The following ZFP28 variants were observed in gnomAD, a reference collection of about 807,000 sequenced individuals.
ZFP28 encodes the protein ZFP28 zinc finger protein.
Under a neutral mutation model 39.5 loss-of-function variants are expected in ZFP28, and 31 were observed. The observed-to-expected ratio is 0.79, with a 90% confidence interval of 0.59 to 1.06. The LOEUF is 1.06. Among genes scored for constraint, ZFP28 ranks in the 50% least tolerant of loss-of-function variants. ZFP28 has a pLI of 0.00. For synonymous variants in ZFP28, 400 were observed against 378.6 expected (o/e 1.06, Z -0.66); for missense variants, 925 against 1,048.4 (o/e 0.88, Z 1.63).
intron 5 of ZFP28, 82 bp from the exon 6 acceptor site, chr19:56,549,985 G>C: frequency 2.6e-6 from 3 of 1,137,390 alleles, no homozygotes; most frequent in East Asian, 2.6e-5. Flanking sequence ...CTTTTTTGCA[G>C]TGTGGACACA....
intron 2 of ZFP28, among the ~76,000 whole-genome samples, chr19:56,542,570 C>T (rs1347734113): frequency 2.6e-5 from 4 of 152,192 alleles, no homozygotes; most frequent in Non-Finnish European, 5.9e-5. Context: ...ATCTCAGTTT[C>T]TCTTGTCTCA....
At chr19:56,552,030 G>C (rs1245272353) in intron 7 of ZFP28, 1 of 942,624 alleles carries the variant, frequency 1.1e-6, no homozygotes, top group Non-Finnish European at 1.3e-6. Context: ...TCTCCTATTT[G>C]TGTGGCTAAC....
intron 4 of ZFP28, 111 bp from the exon 5 acceptor site, chr19:56,548,847 A>G (rs1260612623): frequency 3.5e-6 from 4 of 1,140,142 alleles, no homozygotes; most frequent in African/African-American, 1.6e-5. Context: ...TTCCATAAAA[A>G]TAAATGACTA....
intron 7 of ZFP28, chr19:56,552,620 A>T (rs2044314276): frequency 6.6e-6 from 1 of 152,104 alleles, no homozygotes; most frequent in African/African-American, 2.4e-5. Context: ...TGTGGTCTAG[A>T]AGTTTGCATA....
At chr19:56,550,775 G>A (rs1210416676) in intron 7 of ZFP28, 170 bp downstream of exon 7, 30 of 1,531,168 alleles carry the variant, frequency 2.0e-5, no homozygotes, top group Non-Finnish European at 2.6e-5. Flanking sequence ...CTCCTCCTTT[G>A]CCCCCTTCTC....
rs781778886 is a variant in ZFP28 at position 56,547,231 on chromosome 19, C to T, written c.301-277C>T. ...CGGCCGTCTTCTCTCTGTGTCCTCA[C>T]GTGGTCTTTTCCCTGTGCCTGCACA... is the stretch of plus-strand genomic sequence containing the variant. On this transcript the variant is annotated intron_variant, in intron 2 of 7. Coordinates refer to ENST00000301318, the MANE Select transcript of ZFP28 (RefSeq NM_020828.2). This position sits in a 1 kb window ranked among gnomAD's most constrained non-coding sequence, Gnocchi z 4.6. 1.8e-5 allele frequency: 7 copies of T among 386,776 alleles called. No homozygotes were observed. Among genetic ancestry groups the T allele is most frequent in the East Asian group, 5.0e-5 (1 of 20,048 alleles). 24.0% of individuals were successfully genotyped at this position (386,776 alleles called of 1,614,324 possible). A position where few individuals can be genotyped will look rare whatever the true frequency, so the allele number is the denominator to read the frequency against.
At chr19:56,542,392 AAC>A (rs1224912153) in intron 2 of ZFP28, among the ~76,000 whole-genome samples, 1 of 152,210 alleles carries the variant, frequency 6.6e-6, no homozygotes, top group Non-Finnish European at 1.5e-5. Context: ...GGCCTCAGGC[AAC>A]CGCCCGCCTT....
chr19:56,544,854 G>A (rs911092349), intron 2 of ZFP28: 4 of 152,144 alleles, frequency 2.6e-5, no homozygotes, highest in Non-Finnish European at 5.9e-5. Context: ...AGAGCTGTCC[G>A]AATAAACAGA....
rs780647719 is a variant in ZFP28 at position 56,554,278 on chromosome 19, A to G, written c.1493A>G (p.Tyr498Cys). 5.0e-6 allele frequency: 8 copies of G among 1,614,090 alleles called. No homozygotes were observed. The highest frequency in any genetic ancestry group is 4.0e-5 in the African/African-American group (3 of 74,916). ...TCCCTTATCCGTCACTGGAGATACTATCATACTGGGGAGAAACCCTTTGAT... is the reference window on the plus strand; with the variant it reads ...TCCCTTATCCGTCACTGGAGATACTGTCATACTGGGGAGAAACCCTTTGAT... Reference protein sequence around the residue: ...NTSLIRHWRYYHTGEKPFDCI... With the variant: ...NTSLIRHWRYCHTGEKPFDCI... The change falls in exon 8 of 8, where the codon TAT (tyrosine) becomes TGT (cysteine). Residue 498 changes from tyrosine to cysteine, a missense_variant. Coordinates refer to ENST00000301318, the MANE Select transcript of ZFP28 (RefSeq NM_020828.2). The surrounding 1 kb of genome is among the most constrained non-coding windows in gnomAD (Gnocchi z 6.7).
rs2067061447 is a variant in ZFP28 at position 56,549,067 on chromosome 19, G to A, written c.633G>A (p.Glu211=). ...ITERLTSYNL[E]YSLLGEHWDY... ...AGAGACTCACAAGCTATAATCTGGA[G>A]TACTCTCTGTTAGGGGAACACTGGG... The change falls in exon 5 of 8, where the codon GAG becomes GAA. Residue 211 remains glutamate, a synonymous_variant. Coordinates refer to ENST00000301318, the MANE Select transcript of ZFP28 (RefSeq NM_020828.2). 1.2e-6 allele frequency: 2 copies of A among 1,613,886 alleles called. No individual in the cohort carries two copies. Among genetic ancestry groups the A allele is most frequent in the Non-Finnish European group, 8.5e-7 (1 of 1,179,984 alleles).
At chr19:56,550,936 T>A (rs910911233) in intron 7 of ZFP28, 1 of 1,411,582 alleles carries the variant, frequency 7.1e-7, no homozygotes, top group Non-Finnish European at 9.2e-7. Flanking sequence ...AAATGGCCTA[T>A]TGTTTTCATC....
chr19:56,540,721 A>T (rs530918565), intron 2 of ZFP28, among the ~76,000 whole-genome samples: 12 of 152,346 alleles, frequency 7.9e-5, no homozygotes, highest in African/African-American at 2.9e-4. Context: ...TATAGAGCTA[A>T]AGTAGCCAAA....
At chr19:56,540,320 A>C (rs2044184859) in intron 2 of ZFP28, among the ~76,000 whole-genome samples, 1 of 152,242 alleles carries the variant, frequency 6.6e-6, no homozygotes, top group East Asian at 1.9e-4. Context: ...AAAGAAAGAC[A>C]ACATTTTAGG....
chr19:56,547,938 G>A lies in ZFP28; in HGVS notation c.523+36G>A, dbSNP rs769718340. On this transcript the variant is annotated intron_variant, in intron 4 of 7. Transcript: ENST00000301318. This position sits in a 1 kb window ranked among gnomAD's most constrained non-coding sequence, Gnocchi z 4.6. ...GAGAACCAGGTAGGGTGAGGCCACTGCTGGTCATAGTTCAGCTGACTCAGA... is the reference window on the plus strand; with the variant it reads ...GAGAACCAGGTAGGGTGAGGCCACTACTGGTCATAGTTCAGCTGACTCAGA... The A allele has an allele frequency of 8.2e-5, 132 of 1,604,688 alleles. No individual in the cohort carries two copies. Among genetic ancestry groups the A allele is most frequent in the South Asian group, 3.1e-4 (28 of 90,716 alleles).
intron 2 of ZFP28, among the ~76,000 whole-genome samples, chr19:56,539,968 G>A (rs942945128): frequency 2.0e-5 from 3 of 152,082 alleles, no homozygotes; most frequent in Non-Finnish European, 2.9e-5. Flanking sequence ...CCCTTGTACC[G>A]CTTTTCTCAG....
Position 56,554,807 on chromosome 19 carries a change from G to A in ZFP28, c.2022G>A (p.Glu674=). Residue 674 remains glutamate (E), a synonymous_variant, in exon 8 of 8, where the codon GAG becomes GAA. Transcript: ENST00000301318. The surrounding 1 kb of genome is among the most constrained non-coding windows in gnomAD (Gnocchi z 6.7). ...CCCATACAGGAGAGAAACCATATGA[G>A]TGCAAGGAATGCGGTAAAGCCTTCA... ...QKTHTGEKPY[E]CKECGKAFSQ... is the part of the protein sequence containing the mutation. 3 of 1,614,126 alleles carry A rather than the reference G, an allele frequency of 1.9e-6. No individual in the cohort carries two copies. The highest frequency in any genetic ancestry group is 1.7e-6 in the Non-Finnish European group (2 of 1,180,038).
chr19:56,552,012 A>T (rs545588314), intron 7 of ZFP28: 1 of 955,534 alleles, frequency 1.0e-6, no homozygotes, highest in East Asian at 1.2e-4. Flanking sequence ...ATTATTTCTA[A>T]TGTGATTTCT....
At chr19:56,551,944 AT>A in intron 7 of ZFP28, 1 of 979,002 alleles carries the variant, frequency 1.0e-6, no homozygotes, top group Non-Finnish European at 1.2e-6. Context: ...TTTAATTTTA[AT>A]TAGGTCTTTT....
At chr19:56,550,841 A>G in intron 7 of ZFP28, 4 of 1,465,536 alleles carry the variant, frequency 2.7e-6, no homozygotes, top group Non-Finnish European at 3.6e-6. Context: ...TGGGACGTGT[A>G]TCATCCACTT....
Sources: gnomAD v4.1 joint callset for allele counts (sites outside exome capture counted in the v4.1 genomes callset) on GRCh38, gnomAD v4.1.1 for gene constraint, Gnocchi (gnomAD v3.1) non-coding constraint, MANE v1.5 for transcripts, NCBI Gene and HGNC (gene_info 2026-07-23, HGNC 2026-07-21) for gene names.